The following LYPLAL1 variants were observed in gnomAD, a reference collection of about 807,000 sequenced individuals.
LYPLAL1 encodes lysophospholipase like 1.
A neutral mutation model predicts 19.7 loss-of-function variants in LYPLAL1; 23 were observed. The observed-to-expected ratio is 1.17, with a 90% confidence interval of 0.84 to 1.65. The LOEUF (loss-of-function observed/expected upper bound fraction) is 1.65. Ranked by LOEUF, LYPLAL1 falls within the 40% of genes most tolerant of loss-of-function variation. The pLI is 0.00. For synonymous variants in LYPLAL1, 119 were observed against 96.3 expected, an observed-to-expected ratio of 1.24 and a Z score of -1.38; for missense variants, 355 against 279.4, an observed-to-expected ratio of 1.27 and a Z score of -1.93.
At chr1:219,180,685 T>G (rs1656205271) in intron 2 of LYPLAL1, among the ~76,000 whole-genome samples, 1 of 152,230 alleles carries the variant, frequency 6.6e-6, no homozygotes, top group South Asian at 2.1e-4. Flanking sequence ...ATAAGTTCAT[T>G]TCTACCTAAA....
At chr1:219,259,494 C>T in the LYPLAL1 span, among the ~76,000 whole-genome samples, 1 of 150,556 alleles carries the variant, frequency 6.6e-6, no homozygotes, top group Non-Finnish European at 1.5e-5. Context: ...TTTAGGCAAA[C>T]TGGATGGGGT....
At chr1:219,258,142 C>T in the LYPLAL1 span, among the ~76,000 whole-genome samples, 4 of 152,090 alleles carry the variant, frequency 2.6e-5, no homozygotes, top group South Asian at 8.3e-4. Context: ...TTATTCTGTT[C>T]GTTGTCAAGG....
chr1:219,386,101 C>A, the LYPLAL1 span, among the ~76,000 whole-genome samples: 5 of 152,160 alleles, frequency 3.3e-5, no homozygotes, highest in African/African-American at 9.7e-5. Flanking sequence ...CACTGGGCAA[C>A]AGAGGGGAGA....
chr1:219,352,387 G>A, the LYPLAL1 span, among the ~76,000 whole-genome samples: 2 of 152,270 alleles, frequency 1.3e-5, no homozygotes, highest in African/African-American at 2.4e-5. Context: ...GCGCGGTGGC[G>A]GGCGCCTGTA....
At chr1:219,321,251 G>A in the LYPLAL1 span, among the ~76,000 whole-genome samples, 6 of 152,186 alleles carry the variant, frequency 3.9e-5, no homozygotes, top group Non-Finnish European at 7.3e-5. Flanking sequence ...TTTGAGAAGT[G>A]TCTGTTCATA....
intron 3 of LYPLAL1, among the ~76,000 whole-genome samples, chr1:219,205,625 TATTA>T (rs1658515936): frequency 6.6e-6 from 1 of 152,146 alleles, no homozygotes; most frequent in Non-Finnish European, 1.5e-5. Context: ...AATGGGTGTA[TATTA>T]ATTTTGCAAT....
At chr1:219,441,774 C>T in the LYPLAL1 span, among the ~76,000 whole-genome samples, 3 of 152,186 alleles carry the variant, frequency 2.0e-5, no homozygotes, top group African/African-American at 7.2e-5. Context: ...ATACTCTCCA[C>T]TCATTCCCTC....
At chr1:219,211,100 G>C (rs796169639) in intron 4 of LYPLAL1, among the ~76,000 whole-genome samples, 1 of 152,250 alleles carries the variant, frequency 6.6e-6, no homozygotes, top group African/African-American at 2.4e-5. Flanking sequence ...AAGTGGAAAT[G>C]TTAAAGCAGA....
the LYPLAL1 span, among the ~76,000 whole-genome samples, chr1:219,385,080 A>G: frequency 7.2e-5 from 11 of 152,154 alleles, no homozygotes; most frequent in African/African-American, 1.9e-4. Context: ...CAGTAAACCT[A>G]TAAGTTGGCT....
the LYPLAL1 span, among the ~76,000 whole-genome samples, chr1:219,432,036 A>T: frequency 6.6e-6 from 1 of 152,370 alleles, no homozygotes; most frequent in South Asian, 2.1e-4. Flanking sequence ...TTCATTGTTA[A>T]TAAAAGAGAC....
At chr1:219,425,653 G>A in the LYPLAL1 span, among the ~76,000 whole-genome samples, 4,171 of 152,238 alleles carry the variant, frequency 0.027, 180 homozygotes, top group African/African-American at 0.095. Context: ...GAAATTACAT[G>A]TAAAGAATTT....
chr1:219,226,997 A>G, the LYPLAL1 span, among the ~76,000 whole-genome samples: 1 of 152,238 alleles, frequency 6.6e-6, no homozygotes, highest in Non-Finnish European at 1.5e-5. Context: ...ATACTTTAAG[A>G]TAATTTCAAC....
the LYPLAL1 span, among the ~76,000 whole-genome samples, chr1:219,423,726 A>G: frequency 6.6e-6 from 1 of 152,168 alleles, no homozygotes; most frequent in Non-Finnish European, 1.5e-5. Flanking sequence ...ATATCAAAGC[A>G]TGTTACAAAT....
chr1:219,362,795 A>G, the LYPLAL1 span, among the ~76,000 whole-genome samples: 1 of 152,072 alleles, frequency 6.6e-6, no homozygotes, highest in Non-Finnish European at 1.5e-5. Context: ...TAGTAAGAGG[A>G]GTAACACCAA....
the LYPLAL1 span, among the ~76,000 whole-genome samples, chr1:219,239,871 C>T: frequency 1.3e-5 from 2 of 152,174 alleles, no homozygotes; most frequent in Admixed American, 1.3e-4. Context: ...TATGTGATCA[C>T]TAGACTTTTC....
the LYPLAL1 span, among the ~76,000 whole-genome samples, chr1:219,365,529 C>T: frequency 6.6e-6 from 1 of 152,130 alleles, no homozygotes; most frequent in African/African-American, 2.4e-5. Flanking sequence ...CCTTGGATCA[C>T]CAGGAGTTGA....
the LYPLAL1 span, among the ~76,000 whole-genome samples, chr1:219,282,115 G>A: frequency 1.8e-3 from 278 of 152,204 alleles, 1 homozygote; most frequent in African/African-American, 5.2e-3. Flanking sequence ...GAAACTTTTC[G>A]AAAATCATAA....
rs1471445883 is a variant in LYPLAL1 at position 219,211,731 on chromosome 1, G to T, written c.*3G>T. 1.3e-6 allele frequency: 2 copies of T among 1,570,466 alleles called. No homozygotes were observed. The highest frequency in any genetic ancestry group is 1.4e-5 in the African/African-American group (1 of 73,578). ...GAGAAATGGAAAAACAAAAATGAAT[G>T]AATCAAGAGTGATTTGTTAATGTAA... On this transcript the variant is annotated 3_prime_UTR_variant, in exon 5 of 5. Transcript: ENST00000366928.
At chr1:219,302,348 G>A in the LYPLAL1 span, among the ~76,000 whole-genome samples, 1 of 152,118 alleles carries the variant, frequency 6.6e-6, no homozygotes, top group South Asian at 2.1e-4. Flanking sequence ...TTATAGTATA[G>A]AATACCACTC....
Sources: allele counts gnomAD v4.1 joint callset (sites outside exome capture counted in the v4.1 genomes callset), GRCh38; gene constraint gnomAD v4.1.1; transcripts MANE v1.5; gene names NCBI Gene and HGNC (gene_info 2026-07-23, HGNC 2026-07-21).